IQGAP2: variants seen among roughly 807,000 people sequenced by gnomAD.
The protein encoded by IQGAP2 is ras GTPase-activating-like protein IQGAP2.
Under a neutral mutation model 201.3 loss-of-function variants are expected in IQGAP2, and 173 were observed. The observed-to-expected ratio is 0.86, with a 90% confidence interval of 0.76 to 0.98. IQGAP2 has a LOEUF of 0.98. Among genes scored for constraint, IQGAP2 ranks in the 50% least tolerant of loss-of-function variants. IQGAP2 has a pLI of 0.00. For missense variants in IQGAP2, 1,687 were observed against 1,864.8 expected, an observed-to-expected ratio of 0.90 and a Z score of 1.76; for synonymous variants, 675 against 673.9, an observed-to-expected ratio of 1.00 and a Z score of -0.03.
In IQGAP2 at chr5:76,627,427, C is replaced by T. The variant is rs1750341494; in HGVS notation, c.1539C>T (p.Ser513=). 1 of 1,601,514 alleles carries T rather than the reference C, an allele frequency of 6.2e-7. No individual in the cohort carries two copies. The highest frequency in any genetic ancestry group is 8.6e-7 in the Non-Finnish European group (1 of 1,168,622). The change falls in exon 14 of 36, where the codon TCC becomes TCT. Residue 513 remains serine (S), a synonymous_variant. Coordinates refer to ENST00000274364, the MANE Select transcript of IQGAP2 (RefSeq NM_006633.5). ...GTCCCCAGGACTCTGAGAGTGTTTC[C>T]AAAGTGCTTTGGCTGGATGAGATAC... The part of the protein sequence containing the change: ...SQKLGDSESV[S]KVLWLDEIQQ...
intron 2 of IQGAP2, among the ~76,000 whole-genome samples, chr5:76,509,638 C>T (rs1364190252): frequency 6.6e-6 from 1 of 152,166 alleles, no homozygotes; most frequent in Non-Finnish European, 1.5e-5. Flanking sequence ...TCGTGATCCT[C>T]CTGCCTTGGC....
At chr5:76,549,142 G>T (rs1283916161) in intron 2 of IQGAP2, among the ~76,000 whole-genome samples, 5 of 152,072 alleles carry the variant, frequency 3.3e-5, no homozygotes, top group Non-Finnish European at 7.4e-5. Context: ...ACCATGAAAG[G>T]TACCTACTAT....
chr5:76,450,249 G>A (rs1753655705), intron 1 of IQGAP2, among the ~76,000 whole-genome samples: 2 of 152,072 alleles, frequency 1.3e-5, no homozygotes, highest in African/African-American at 4.8e-5. Context: ...CTGCAAACTC[G>A]ATGTGAACCT....
chr5:76,578,105 T>G (rs1349027905), intron 5 of IQGAP2, among the ~76,000 whole-genome samples: 2 of 152,170 alleles, frequency 1.3e-5, no homozygotes, highest in Non-Finnish European at 2.9e-5. Flanking sequence ...TATGCTTGCT[T>G]CCTGTTTGTA....
intron 13 of IQGAP2, chr5:76,617,283 A>G (rs1749072476): frequency 4.0e-6 from 1 of 246,980 alleles, no homozygotes; most frequent in Non-Finnish European, 7.9e-6. Flanking sequence ...CGTCTCTACT[A>G]AAAATACAAG....
intron 11 of IQGAP2, among the ~76,000 whole-genome samples, chr5:76,604,329 G>A (rs1374928479): frequency 6.6e-6 from 1 of 151,256 alleles, no homozygotes; most frequent in Non-Finnish European, 1.5e-5. Context: ...TTTTATGGCT[G>A]CATAGTATTC....
At chr5:76,459,390 G>A (rs1754298137) in intron 1 of IQGAP2, among the ~76,000 whole-genome samples, 1 of 152,174 alleles carries the variant, frequency 6.6e-6, no homozygotes, top group Admixed American at 6.5e-5. Flanking sequence ...CCAAGTTGGG[G>A]ATGGTGTGAC....
At chr5:76,677,450 G>A in intron 28 of IQGAP2, 100 bp downstream of exon 28, 2 of 1,031,280 alleles carry the variant, frequency 1.9e-6, no homozygotes, top group Non-Finnish European at 2.8e-6. Context: ...GTACACATGT[G>A]CTAATACTCA....
chr5:76,677,429 C>A (rs1260350220), intron 28 of IQGAP2, 79 bp downstream of exon 28: 3 of 1,372,910 alleles, frequency 2.2e-6, no homozygotes, highest in African/African-American at 1.4e-5. Flanking sequence ...TTAATCTCTA[C>A]AGGACTTATT....
intron 32 of IQGAP2, among the ~76,000 whole-genome samples, chr5:76,697,026 G>A (rs1285658327): frequency 6.6e-6 from 1 of 152,008 alleles, no homozygotes; most frequent in Non-Finnish European, 1.5e-5. Flanking sequence ...AACAGGCACC[G>A]TTTTCTTAAG....
At chr5:76,440,616 G>A (rs1752971287) in intron 1 of IQGAP2, among the ~76,000 whole-genome samples, 1 of 152,150 alleles carries the variant, frequency 6.6e-6, no homozygotes. Flanking sequence ...CATCCTGGGT[G>A]TGTATTAATT....
At chr5:76,475,534 G>A (rs1010149632) in intron 2 of IQGAP2, among the ~76,000 whole-genome samples, 1 of 152,132 alleles carries the variant, frequency 6.6e-6, no homozygotes, top group Non-Finnish European at 1.5e-5. Context: ...CAAAGATCGA[G>A]ACCCACCAGG....
At chr5:76,566,948 C>T (rs771943290) in intron 3 of IQGAP2, among the ~76,000 whole-genome samples, 11 of 151,810 alleles carry the variant, frequency 7.2e-5, no homozygotes, top group Non-Finnish European at 1.0e-4. Context: ...CAGACTGGGG[C>T]AGGCAGGAGA....
chr5:76,532,657 A>G (rs986477546), intron 2 of IQGAP2, among the ~76,000 whole-genome samples: 3 of 152,140 alleles, frequency 2.0e-5, no homozygotes, highest in African/African-American at 7.2e-5. Context: ...GGGGTCCACC[A>G]CCAGTCCTGC....
At chr5:76,467,686 G>A (rs888492450) in intron 2 of IQGAP2, among the ~76,000 whole-genome samples, 2 of 152,102 alleles carry the variant, frequency 1.3e-5, no homozygotes, top group African/African-American at 2.4e-5. Context: ...ACTTGTACTC[G>A]AATGTTCACA....
intron 20 of IQGAP2, among the ~76,000 whole-genome samples, chr5:76,656,406 C>G (rs1372106464): frequency 6.6e-6 from 1 of 152,014 alleles, no homozygotes; most frequent in Non-Finnish European, 1.5e-5. Flanking sequence ...TGGTCTTAAT[C>G]TCCTGACCTT....
intron 20 of IQGAP2, among the ~76,000 whole-genome samples, chr5:76,655,871 G>A (rs1402928189): frequency 6.6e-6 from 1 of 152,114 alleles, no homozygotes; most frequent in African/African-American, 2.4e-5. Context: ...ATCATAAGTT[G>A]ATTCTTTATA....
chr5:76,577,776 C>T (rs982274160), intron 5 of IQGAP2, among the ~76,000 whole-genome samples: 3 of 152,206 alleles, frequency 2.0e-5, no homozygotes, highest in African/African-American at 4.8e-5. Context: ...AATACTCTTG[C>T]TGCATAGTTA....
chr5:76,506,974 A>G (rs755625037), intron 2 of IQGAP2, among the ~76,000 whole-genome samples: 10 of 152,244 alleles, frequency 6.6e-5, no homozygotes, highest in South Asian at 4.1e-4. Flanking sequence ...AGCAGTGCCA[A>G]TCAAAATCCC....
Sources: allele counts gnomAD v4.1 joint callset (sites outside exome capture counted in the v4.1 genomes callset), GRCh38; gene constraint gnomAD v4.1.1; transcripts MANE v1.5; gene names NCBI Gene and HGNC (gene_info 2026-07-23, HGNC 2026-07-21).